Variants in KPNA7 observed in about 807,000 individuals in gnomAD.
The protein encoded by KPNA7 is importin subunit alpha-8.
In KPNA7, 54 loss-of-function variants were observed where a neutral mutation model predicts 53.7. The ratio of observed to expected loss-of-function variants is 1.01; its 90% CI spans 0.81 to 1.26. The LOEUF (loss-of-function observed/expected upper bound fraction) is 1.26. KPNA7 is among the 50% of genes most tolerant of loss of function. KPNA7 has a pLI of 0.00. For synonymous variants in KPNA7, 276 were observed against 259.3 expected (o/e 1.06, Z -0.62); for missense variants, 640 against 644.5 (o/e 0.99, Z 0.07).
rs563350491 is a variant in KPNA7 at position 99,185,150 on chromosome 7, G to A, written c.913C>T (p.Arg305Cys). The A allele has an allele frequency of 2.6e-5, 40 of 1,551,276 alleles. No homozygotes were observed. The highest frequency in any genetic ancestry group is 2.5e-4 in the African/African-American group (18 of 73,134). The change falls in exon 8 of 11, where the codon CGC (arginine) becomes TGC (cysteine). Residue 305 changes from arginine (R) to cysteine (C), a missense_variant. Arg to Cys is a radical substitution (Grantham distance 180). Transcript: ENST00000327442. ...SELNVLTPSLRTVGNIVTGTD... is the reference protein window; with the variant it reads ...SELNVLTPSLCTVGNIVTGTD... ...CCCGTGACAATGTTCCCCACGGTGC[G>A]GAGAGAAGGAGTCTGGAAGAGCAAG...
chr7:99,171,766 G>A (rs750443879), downstream of KPNA7, among the ~76,000 whole-genome samples: 8 of 152,080 alleles, frequency 5.3e-5, no homozygotes, highest in Non-Finnish European at 1.0e-4. Context: ...TAAAATAAAG[G>A]GGAAAACAAG....
intron 3 of KPNA7, 88 bp from the exon 4 acceptor site, chr7:99,196,254 AC>A (rs536205585): frequency 3.5e-4 from 324 of 927,562 alleles, no homozygotes; most frequent in Non-Finnish European, 5.4e-4. Flanking sequence ...TCTGATTAAA[AC>A]AGCCTGGCTT....
intron 1 of KPNA7, among the ~76,000 whole-genome samples, chr7:99,217,055 C>T (rs1322467935): frequency 6.6e-6 from 1 of 152,200 alleles, no homozygotes; most frequent in Non-Finnish European, 1.5e-5. Flanking sequence ...TAAGACATGT[C>T]ATCATCCAAG....
chr7:99,177,796 G>C, intron 10 of KPNA7, 124 bp downstream of exon 10: 1 of 903,880 alleles, frequency 1.1e-6, no homozygotes. Flanking sequence ...GGATGTGGCA[G>C]GAGTGAAGAC....
the KPNA7 span, among the ~76,000 whole-genome samples, chr7:99,157,478 G>C: frequency 6.6e-6 from 1 of 152,256 alleles, no homozygotes; most frequent in South Asian, 2.1e-4. Flanking sequence ...CAAAGTGTTG[G>C]GATTACAGGC....
chr7:99,157,174 G>C, the KPNA7 span, among the ~76,000 whole-genome samples: 1 of 151,992 alleles, frequency 6.6e-6, no homozygotes, highest in Admixed American at 6.6e-5. Flanking sequence ...GTTTCTTCTG[G>C]GAAATGGTTG....
In KPNA7 at chr7:99,180,591, GTCTCTCCGTC is replaced by G. The variant is rs565477142; in HGVS notation, c.1317+1282_1317+1291del. Among the ~76,000 whole-genome samples the G allele has an allele frequency of 2.7e-4, 32 of 116,380 alleles. 1 individual carries two copies. Among genetic ancestry groups the G allele is most frequent in the African/African-American group, 1.1e-3 (31 of 27,494 alleles). 76.3% of individuals were successfully genotyped at this position (116,380 alleles called of 152,430 possible). On this transcript the variant is annotated intron_variant, in intron 9 of 10. Transcript: ENST00000327442. The stretch of plus-strand genomic sequence containing the variant: ...TCCATCTGTCTCTGTCCATCTCTCC[GTCTCTCCGTC>G]TCTGTCTCTCTCCCCATCTCTCTCT...
chr7:99,170,392 T>A (rs79513424), downstream of KPNA7, among the ~76,000 whole-genome samples: 6,632 of 151,412 alleles, frequency 0.044, 205 homozygotes, highest in Non-Finnish European at 0.07. Flanking sequence ...AGAGATAAAG[T>A]AGAATACCCC....
At chr7:99,174,205 T>C (rs768505510) in intron 10 of KPNA7, among the ~76,000 whole-genome samples, 6 of 152,074 alleles carry the variant, frequency 3.9e-5, no homozygotes, top group Non-Finnish European at 8.8e-5. Context: ...ACAAACCCTA[T>C]TGTGAACTGC....
rs1177321935 is a variant in KPNA7, at chr7:99,187,829, A to T, written c.900+471T>A. ...AAAAAAAAAAAAAAAAAAAAAAAAA[A>T]AAAAAACCCACTAGGATTTGACATC... On this transcript the variant is annotated intron_variant, in intron 7 of 10. Transcript: ENST00000327442. Among the ~76,000 whole-genome samples, 766 of 104,462 alleles carry T rather than the reference A, an allele frequency of 7.3e-3. 26 individuals are homozygous for T. The highest frequency in any genetic ancestry group is 0.021 in the African/African-American group (731 of 34,348). The allele number at this position is 104,462 out of a possible 152,430, so 68.5% of individuals were successfully genotyped here.
At chr7:99,157,274 A>G in the KPNA7 span, among the ~76,000 whole-genome samples, 4 of 152,168 alleles carry the variant, frequency 2.6e-5, no homozygotes, top group Non-Finnish European at 4.4e-5. Context: ...CAATGGCTCA[A>G]TCTTGGCTGA....
Position 99,187,816 on chromosome 7 carries a change from A to T in KPNA7, c.900+484T>A, listed in dbSNP as rs13238215. 2.4e-3 allele frequency among the ~76,000 whole-genome samples: 258 copies of T among 105,306 alleles called. 10 individuals are homozygous for T. Among genetic ancestry groups the T allele is most frequent in the African/African-American group, 6.9e-3 (169 of 24,358 alleles). The allele number at this position is 105,306 out of a possible 152,430, so 69.1% of individuals were successfully genotyped here. On this transcript the variant is annotated intron_variant, in intron 7 of 10. Transcript: ENST00000327442. ...TTTTTTTTTAAAAAAAAAAAAAAAA[A>T]AAAAAAAAAAAAAAAAAAACCCACT...
At chr7:99,173,304 G>T (rs2150692033), downstream of KPNA7, among the ~76,000 whole-genome samples, 1 of 152,048 alleles carries the variant, frequency 6.6e-6, no homozygotes, top group Admixed American at 6.6e-5. Flanking sequence ...CAATTTTCCT[G>T]CCTCAGCCTC....
Position 99,178,771 on chromosome 7 carries a change from C to CAAA in KPNA7, c.1318-708_1318-706dup, listed in dbSNP as rs756807848. Among the ~76,000 whole-genome samples the CAAA allele has an allele frequency of 7.8e-3, 217 of 27,706 alleles. 15 individuals are homozygous for CAAA. Among genetic ancestry groups the CAAA allele is most frequent in the Non-Finnish European group, 8.7e-3 (136 of 15,722 alleles). 18.2% of individuals were successfully genotyped at this position (27,706 alleles called of 152,430 possible). A position where few individuals can be genotyped will look rare whatever the true frequency, so the allele number is the denominator to read the frequency against. ...GCATTTGGCCCAAATATCTTTGTCTCAAAAAAAAAAAAAAAAAAAAAAAAA... is the reference window on the plus strand; with the variant it reads ...GCATTTGGCCCAAATATCTTTGTCTCAAAAAAAAAAAAAAAAAAAAAAAAAAAA... On this transcript the variant is annotated intron_variant, in intron 9 of 10. Coordinates refer to ENST00000327442, the MANE Select transcript of KPNA7 (RefSeq NM_001145715.3).
upstream of KPNA7, among the ~76,000 whole-genome samples, chr7:99,211,247 C>G (rs993398307): frequency 2.0e-5 from 3 of 152,158 alleles, no homozygotes; most frequent in Admixed American, 6.6e-5. Context: ...TGGCAAAACC[C>G]TGTCTCTACT....
chr7:99,184,544 G>T (rs1454143861), intron 8 of KPNA7, among the ~76,000 whole-genome samples: 4 of 152,066 alleles, frequency 2.6e-5, no homozygotes, highest in South Asian at 4.2e-4. Flanking sequence ...TTCCTTCAGT[G>T]TATGATATCA....
the KPNA7 span, among the ~76,000 whole-genome samples, chr7:99,167,080 G>T: frequency 6.6e-6 from 1 of 152,170 alleles, no homozygotes; most frequent in Non-Finnish European, 1.5e-5. Flanking sequence ...AGCTTACAAG[G>T]CTCCCTGATA....
chr7:99,211,448 G>A (rs971094709), upstream of KPNA7, among the ~76,000 whole-genome samples: 4 of 152,158 alleles, frequency 2.6e-5, no homozygotes, highest in Non-Finnish European at 4.4e-5. Context: ...GGCCAAGACT[G>A]ATGTTGTAAG....
chr7:99,195,194 T>G lies in KPNA7; in HGVS notation c.429A>C (p.Ser143=), dbSNP rs1187345397. ...EAAWALTNIA[S]GTSEQTRAVV... ...CGGCACGAGTCTGCTCCGAAGTCCC[T>G]GAAGCGATGTTGGTCAGGGCCCAGG... Residue 143 remains serine (S), a synonymous_variant, in exon 5 of 11, where the codon TCA becomes TCC. Coordinates refer to ENST00000327442, the MANE Select transcript of KPNA7 (RefSeq NM_001145715.3). 2 of 1,551,508 alleles carry G rather than the reference T, an allele frequency of 1.3e-6. No homozygotes were observed. The highest frequency in any genetic ancestry group is 1.7e-6 in the Non-Finnish European group (2 of 1,147,010).
Sources: gnomAD v4.1 joint callset for allele counts (sites outside exome capture counted in the v4.1 genomes callset) on GRCh38, gnomAD v4.1.1 for gene constraint, MANE v1.5 for transcripts, NCBI Gene and HGNC (gene_info 2026-07-23, HGNC 2026-07-21) for gene names.